Variants in CCP110 observed in about 807,000 individuals in gnomAD.
The protein encoded by CCP110 is centriolar coiled-coil protein of 110 kDa.
Under a neutral mutation model 105.5 loss-of-function variants are expected in CCP110, and 43 were observed. The observed-to-expected ratio is 0.41, with a 90% CI of 0.32 to 0.53. CCP110 has a LOEUF of 0.53. CCP110 is among the 20% of genes least tolerant of loss of function. The pLI is 0.32. For synonymous variants in CCP110, 353 were observed against 392.1 expected, an observed-to-expected ratio of 0.90 and a Z score of 1.18; for missense variants, 1,016 against 1,189.1, an observed-to-expected ratio of 0.85 and a Z score of 2.14.
exon 6 of CCP110, chr16:19,541,961 C>A: frequency 6.2e-7 from 1 of 1,611,188 alleles, no homozygotes; most frequent in Non-Finnish European, 8.5e-7. Flanking sequence ...TGGACATTAA[C>A]AATGCAGTGG....
At chr16:19,538,909 C>T (rs1025840966) in intron 4 of CCP110, among the ~76,000 whole-genome samples, 3 of 151,724 alleles carry the variant, frequency 2.0e-5, no homozygotes, top group African/African-American at 7.3e-5. Context: ...GTCAGGAGTT[C>T]GAGACCAAAC....
Position 19,548,641 on chromosome 16 carries a change from G to C in CCP110, c.2986+41G>C, listed in dbSNP as rs1567367728. ...ATTCCTGAAGCCCATTCAATAGAAG[G>C]AAGTGCACAAGCTGCCCCATAACTC... is the stretch of plus-strand genomic sequence containing the variant. On this transcript the variant is annotated intron_variant, in intron 14 of 14. Transcript: ENST00000381396. This position sits in a 1 kb window ranked among gnomAD's most constrained non-coding sequence, Gnocchi z 4.1. 7.9e-7 allele frequency: 1 copy of C among 1,264,160 alleles called. No homozygotes were observed. The highest frequency in any genetic ancestry group is 2.5e-5 in the East Asian group (1 of 39,644). 78.3% of individuals were successfully genotyped at this position (1,264,160 alleles called of 1,614,324 possible).
intron 6 of CCP110, 94 bp downstream of exon 6, chr16:19,542,158 A>G: frequency 1.2e-6 from 1 of 840,930 alleles, no homozygotes; most frequent in Non-Finnish European, 1.8e-6. Context: ...CTGTTTTCAA[A>G]TGATTCCATG....
At chr16:19,541,649 G>GGAGAGAGAGAGA (rs142905705) in intron 5 of CCP110, among the ~76,000 whole-genome samples, 1 of 128,918 alleles carries the variant, frequency 7.8e-6, no homozygotes, top group East Asian at 2.3e-4. Context: ...GAGAGAGAGA[G>GGAGAGAGAGAGA]GAGAGAGAGA....
exon 4 of CCP110, chr16:19,536,582 G>C (rs746907556): frequency 6.2e-7 from 1 of 1,614,132 alleles, no homozygotes; most frequent in Non-Finnish European, 8.5e-7. Context: ...TCTCCAAGGT[G>C]CTTCCACTCA....
chr16:19,534,479 A>G (rs1490633949), intron 3 of CCP110, among the ~76,000 whole-genome samples: 2 of 152,184 alleles, frequency 1.3e-5, no homozygotes, highest in African/African-American at 2.4e-5. Context: ...CTAAAGGCTC[A>G]TTTTAGTGAC....
At chr16:19,537,169 G>C (rs564520797) in exon 4 of CCP110, 2 of 1,614,182 alleles carry the variant, frequency 1.2e-6, no homozygotes, top group African/African-American at 2.7e-5. Flanking sequence ...CCTGTGCTGC[G>C]ATGCCAAAGC....
In CCP110 at chr16:19,532,381, G is replaced by A. The variant is rs199627218; in HGVS notation, c.142-35G>A. On this transcript the variant is annotated intron_variant, in intron 2 of 14. Transcript: ENST00000381396. ...TTCCCGATTTTATGATATTTTTATC[G>A]TGGGAAATAATTACATTTTTATGAT... is the stretch of plus-strand genomic sequence containing the variant. 80 of 1,533,270 alleles carry A rather than the reference G, an allele frequency of 5.2e-5. No individual in the cohort carries two copies. The Middle Eastern group carries it at 8.7e-4, about 17-fold the overall frequency. The allele number at this position is 1,533,270 out of a possible 1,614,324, so 95.0% of individuals were successfully genotyped here. A position where few individuals can be genotyped will look rare whatever the true frequency, so the allele number is the denominator to read the frequency against.
At chr16:19,544,145 CTCTCTTTGTACTCTT>C (rs1970382859) in intron 8 of CCP110, among the ~76,000 whole-genome samples, 1 of 152,172 alleles carries the variant, frequency 6.6e-6, no homozygotes, top group African/African-American at 2.4e-5. Flanking sequence ...AGTAAAATTC[CTCTCTTTGTACTCTT>C]TCTCTTTATT....
chr16:19,550,183 G>A (rs1024137517), intron 14 of CCP110, among the ~76,000 whole-genome samples: 44 of 148,626 alleles, frequency 3.0e-4, no homozygotes, highest in African/African-American at 1.0e-3. Flanking sequence ...ACAGAGTCTT[G>A]TTCTGTTGCC....
chr16:19,538,838 G>A (rs1425109975), intron 4 of CCP110, among the ~76,000 whole-genome samples: 3 of 152,020 alleles, frequency 2.0e-5, no homozygotes, highest in African/African-American at 4.8e-5. Flanking sequence ...TTAGGCCGGC[G>A]CGGTTGCTTA....
chr16:19,542,025 C>T lies in CCP110; in HGVS notation c.2188C>T (p.Gln730Ter). 1 of 1,598,600 alleles carries T rather than the reference C, an allele frequency of 6.3e-7. No individual in the cohort carries two copies. Among genetic ancestry groups the T allele is most frequent in the Non-Finnish European group, 8.5e-7 (1 of 1,175,798 alleles). Residue 730 changes from glutamine (Q) to a stop codon, truncating the protein, a stop_gained, in exon 6 of 15, where the codon CAA becomes TAA. Coordinates refer to ENST00000381396, the Ensembl canonical transcript of CCP110. LOFTEE classifies it high-confidence loss of function. Reference sequence around the variant, plus strand: ...TAGTTTGCTGGAAACAATGCTGTCTCAAGCGGACTCACTCCATACTTCAAA... The same window carrying T: ...TAGTTTGCTGGAAACAATGCTGTCTTAAGCGGACTCACTCCATACTTCAAA...
intron 4 of CCP110, among the ~76,000 whole-genome samples, chr16:19,540,196 A>C (rs540379516): frequency 1.3e-5 from 2 of 152,360 alleles, no homozygotes; most frequent in South Asian, 4.1e-4. Context: ...TTTAACGTCC[A>C]GTCCTTTTTG....
intron 9 of CCP110, 38 bp downstream of exon 9, chr16:19,544,936 C>A: frequency 1.8e-6 from 2 of 1,095,518 alleles, no homozygotes; most frequent in Non-Finnish European, 2.7e-6. Flanking sequence ...AAGACATGGA[C>A]ATATTATATT....
At chr16:19,535,240 T>C (rs1722441695) in intron 3 of CCP110, among the ~76,000 whole-genome samples, 2 of 152,062 alleles carry the variant, frequency 1.3e-5, no homozygotes, top group Non-Finnish European at 2.9e-5. Context: ...GCCAGTTTAA[T>C]ATACGGATGT....
rs751912759 is a variant in CCP110, at chr16:19,545,883, T to C, written c.2770T>C (p.Tyr924His). The C allele has an allele frequency of 6.3e-5, 100 of 1,591,708 alleles. No individual in the cohort carries two copies. The highest frequency in any genetic ancestry group is 8.6e-5 in the Non-Finnish European group (100 of 1,161,814). ...ACAGAAGTCTCTTGATAGGAAGAAA[T>C]ACATGAAGTAAGTTTTTTGTATCAT... is the stretch of plus-strand genomic sequence containing the variant. Residue 924 changes from tyrosine to histidine, a missense_variant, in exon 11 of 15, where the codon TAC becomes CAC. By Grantham distance (83) the Tyr-to-His change is moderately conservative. Coordinates refer to ENST00000381396, the Ensembl canonical transcript of CCP110.
In CCP110 at chr16:19,548,658, C is replaced by T; in HGVS notation, c.2986+58C>T. 9.2e-7 allele frequency: 1 copy of T among 1,083,262 alleles called. No individual in the cohort carries two copies. The highest frequency in any genetic ancestry group is 1.4e-6 in the Non-Finnish European group (1 of 736,872). 67.1% of individuals were successfully genotyped at this position (1,083,262 alleles called of 1,614,324 possible). A position where few individuals can be genotyped will look rare whatever the true frequency, so the allele number is the denominator to read the frequency against. ...AATAGAAGGAAGTGCACAAGCTGCC[C>T]CATAACTCAGGCCATAGAAGTGGAA... On this transcript the variant is annotated intron_variant, in intron 14 of 14. Coordinates refer to ENST00000381396, the Ensembl canonical transcript of CCP110. This position sits in a 1 kb window ranked among gnomAD's most constrained non-coding sequence, Gnocchi z 4.1.
At chr16:19,532,515 C>G (rs367817294) in exon 3 of CCP110, 5 of 1,609,452 alleles carry the variant, frequency 3.1e-6, no homozygotes, top group Admixed American at 3.4e-5. Flanking sequence ...TTTACTGACT[C>G]GTGTCCAGGA....
chr16:19,528,812 C>T (rs746112727), intron 2 of CCP110, among the ~76,000 whole-genome samples: 7 of 152,110 alleles, frequency 4.6e-5, no homozygotes, highest in African/African-American at 9.7e-5. Context: ...GCGGAAGGAT[C>T]GCTTGAACCT....
Sources: gnomAD v4.1 joint callset for allele counts (sites outside exome capture counted in the v4.1 genomes callset) on GRCh38, gnomAD v4.1.1 for gene constraint, Gnocchi (gnomAD v3.1) non-coding constraint, MANE v1.5 for transcripts, NCBI Gene and HGNC (gene_info 2026-07-23, HGNC 2026-07-21) for gene names.